The following PTPRD variants were observed in gnomAD, a reference collection of about 807,000 sequenced individuals.
PTPRD encodes receptor-type tyrosine-protein phosphatase delta.
In PTPRD, 34 loss-of-function variants were observed where a neutral mutation model predicts 214.5. The ratio of observed to expected loss-of-function variants is 0.16; its 90% confidence interval spans 0.12 to 0.21. The LOEUF (loss-of-function observed/expected upper bound fraction) is 0.21, where lower values mean the gene tolerates loss of function less well. Ranked by LOEUF, PTPRD falls within the 10% of genes least tolerant of loss-of-function variation. The pLI, the probability that PTPRD is intolerant of heterozygous loss-of-function variation, is 1.00. For synonymous variants in PTPRD, 1,128 were observed against 845.7 expected, an observed-to-expected ratio of 1.33 and a Z score of -5.79; for missense variants, 2,545 against 2,398.7, an observed-to-expected ratio of 1.06 and a Z score of -1.27.
intron 3 of PTPRD, among the ~76,000 whole-genome samples, chr9:10,160,169 A>G (rs2099118836): frequency 6.6e-6 from 1 of 151,994 alleles, no homozygotes; most frequent in Non-Finnish European, 1.5e-5. Flanking sequence ...ACTGGAAACC[A>G]AAAAAAGAGG....
rs1491445418 is a variant in PTPRD at position 10,047,337 on chromosome 9, T to TGTGTGTGTGTGC, written c.-544-13548_-544-13547insGCACACACACAC. On this transcript the variant is annotated intron_variant, in intron 3 of 45. Transcript: ENST00000381196. ...CTGTGTGTGTGTGTGTGTGTGTGTG[T>TGTGTGTGTGTGC]GCGTGTGTGTGTGTGCTTGTGTGAT... Among the ~76,000 whole-genome samples, 393 of 144,260 alleles carry TGTGTGTGTGTGC rather than the reference T, an allele frequency of 2.7e-3. 1 individual carries two copies. The highest frequency in any genetic ancestry group is 0.011 in the Middle Eastern group (3 of 274). 94.6% of individuals were successfully genotyped at this position (144,260 alleles called of 152,430 possible).
chr9:10,353,760 A>G (rs1394475954), intron 2 of PTPRD, among the ~76,000 whole-genome samples: 1 of 151,982 alleles, frequency 6.6e-6, no homozygotes, highest in Non-Finnish European at 1.5e-5. Flanking sequence ...AACCCTATTC[A>G]TTAACTTTAA....
intron 5 of PTPRD, among the ~76,000 whole-genome samples, chr9:9,823,152 C>T (rs1020935766): frequency 6.6e-6 from 1 of 151,954 alleles, no homozygotes; most frequent in Admixed American, 6.6e-5. Flanking sequence ...TAAAGAAATA[C>T]CTGAGACTGG....
At chr9:8,394,687 C>A (rs1500332) in intron 36 of PTPRD, among the ~76,000 whole-genome samples, 89,527 of 151,982 alleles carry the variant, frequency 0.59, 28,515 homozygotes, top group African/African-American at 0.84. Flanking sequence ...TGGACTCAGA[C>A]ATCTCTGTGA....
intron 12 of PTPRD, among the ~76,000 whole-genome samples, chr9:8,703,905 C>G (rs1373432938): frequency 1.3e-5 from 2 of 152,184 alleles, no homozygotes; most frequent in Non-Finnish European, 2.9e-5. Flanking sequence ...CCAAACAACT[C>G]TACCCTCCTC....
chr9:8,905,062 G>A (rs746476922), intron 11 of PTPRD, among the ~76,000 whole-genome samples: 33 of 152,128 alleles, frequency 2.2e-4, no homozygotes, highest in Non-Finnish European at 4.4e-4. Flanking sequence ...AGAATTATGA[G>A]TATACAAAAA....
intron 36 of PTPRD, among the ~76,000 whole-genome samples, chr9:8,397,676 G>A (rs2091513619): frequency 6.6e-6 from 1 of 152,162 alleles, no homozygotes; most frequent in African/African-American, 2.4e-5. Context: ...GAAACCTAGA[G>A]CACTAGTGTG....
At chr9:10,601,528 T>C (rs1567156752) in intron 2 of PTPRD, among the ~76,000 whole-genome samples, 1 of 151,808 alleles carries the variant, frequency 6.6e-6, no homozygotes. Flanking sequence ...TTGTACTATA[T>C]ATACTGTATT....
intron 9 of PTPRD, among the ~76,000 whole-genome samples, chr9:9,293,968 C>T (rs753087673): frequency 1.3e-5 from 2 of 151,530 alleles, no homozygotes; most frequent in Non-Finnish European, 3.0e-5. Context: ...TGGCCAGCAT[C>T]AGTACTCTTG....
chr9:9,808,187 A>G (rs116227065), intron 5 of PTPRD, among the ~76,000 whole-genome samples: 2,053 of 152,282 alleles, frequency 0.013, 43 homozygotes, highest in African/African-American at 0.047. Context: ...ATTATGTTTT[A>G]TAGGTTATTG....
intron 10 of PTPRD, among the ~76,000 whole-genome samples, chr9:9,025,030 A>T (rs896012407): frequency 6.6e-6 from 1 of 151,950 alleles, no homozygotes; most frequent in Non-Finnish European, 1.5e-5. Flanking sequence ...TCAATGTTGC[A>T]TTCAGTTTAT....
chr9:9,822,974 C>G (rs1295240311), intron 5 of PTPRD, among the ~76,000 whole-genome samples: 1 of 152,004 alleles, frequency 6.6e-6, no homozygotes, highest in Non-Finnish European at 1.5e-5. Flanking sequence ...GCATTCTTAT[C>G]CAAAAGAAAG....
At chr9:10,172,558 G>A (rs1460139261) in intron 3 of PTPRD, among the ~76,000 whole-genome samples, 1 of 152,076 alleles carries the variant, frequency 6.6e-6, no homozygotes, top group East Asian at 1.9e-4. Context: ...GCCTTGTTGG[G>A]ACCTGCCATT....
At position 8,448,636 on chromosome 9, in the gene PTPRD, CATT is replaced by C. The variant is rs1438888717; in HGVS notation, c.3988+1086_3988+1088del. ...AGTTAGAATTTTTTTTAAATACCGA[CATT>C]ATGATGCTTGTATAGCCACACTGAA... is the stretch of plus-strand genomic sequence containing the variant. On this transcript the variant is annotated intron_variant, in intron 34 of 45. Coordinates refer to ENST00000381196, the MANE Select transcript of PTPRD (RefSeq NM_002839.4). Among the ~76,000 whole-genome samples the C allele has an allele frequency of 3.9e-5, 6 of 152,178 alleles. No individual in the cohort carries two copies. In the East Asian group the frequency reaches 1.2e-3, roughly 29 times the overall value.
chr9:9,304,108 A>G (rs1386258498), intron 9 of PTPRD, among the ~76,000 whole-genome samples: 1 of 152,100 alleles, frequency 6.6e-6, no homozygotes, highest in Non-Finnish European at 1.5e-5. Context: ...GGTTATTAAT[A>G]TCTCCCATTT....
intron 14 of PTPRD, among the ~76,000 whole-genome samples, chr9:8,631,866 C>G (rs2096264236): frequency 6.6e-6 from 1 of 151,794 alleles, no homozygotes; most frequent in African/African-American, 2.4e-5. Context: ...TTTTCAGATA[C>G]TTTGTCAACA....
chr9:9,006,206 T>G (rs1009119594), intron 11 of PTPRD, among the ~76,000 whole-genome samples: 26 of 26,190 alleles, frequency 9.9e-4, no homozygotes, highest in African/African-American at 1.4e-3. Context: ...CAACCGATGA[T>G]GTAATGTGAT....
chr9:8,827,592 G>A (rs571316431), intron 11 of PTPRD, among the ~76,000 whole-genome samples: 39 of 152,296 alleles, frequency 2.6e-4, no homozygotes, highest in African/African-American at 8.7e-4. Flanking sequence ...GGGCAATAGA[G>A]TGAGACTCTG....
At chr9:9,738,558 C>T (rs918901748) in intron 6 of PTPRD, among the ~76,000 whole-genome samples, 1 of 149,110 alleles carries the variant, frequency 6.7e-6, no homozygotes, top group South Asian at 2.1e-4. Flanking sequence ...ATTCTCCTGA[C>T]CCAGCCTCCT....
Sources: allele counts gnomAD v4.1 joint callset (sites outside exome capture counted in the v4.1 genomes callset), GRCh38; gene constraint gnomAD v4.1.1; transcripts MANE v1.5; gene names NCBI Gene and HGNC (gene_info 2026-07-23, HGNC 2026-07-21).